The following AKAP12 variants were observed in gnomAD, a reference collection of about 807,000 sequenced individuals.
AKAP12 encodes the protein A-kinase anchoring protein 12.
AKAP12 carries 32 observed loss-of-function variants against 79.9 expected under a neutral mutation model. The observed-to-expected ratio is 0.40, with a 90% CI of 0.30 to 0.54. AKAP12 has a LOEUF of 0.54. Ranked by LOEUF, AKAP12 falls within the 20% of genes least tolerant of loss-of-function variation. The probability of loss-of-function intolerance (pLI) is 0.48; values close to 1 mark genes in which losing one functional copy is unlikely to be tolerated. For synonymous variants in AKAP12, 808 were observed against 857.0 expected (o/e 0.94, Z 1.00); for missense variants, 2,074 against 2,177.0 (o/e 0.95, Z 0.94).
At chr6:151,275,608 A>G (rs1214784290) in intron 2 of AKAP12, among the ~76,000 whole-genome samples, 1 of 152,184 alleles carries the variant, frequency 6.6e-6, no homozygotes, top group Non-Finnish European at 1.5e-5. Context: ...GTCTTTTTTT[A>G]TCAGAATACT....
At chr6:151,281,340 G>A (rs1776403046) in intron 2 of AKAP12, among the ~76,000 whole-genome samples, 1 of 152,186 alleles carries the variant, frequency 6.6e-6, no homozygotes, top group African/African-American at 2.4e-5. Flanking sequence ...ACTTTGACAG[G>A]TGAAGGATGG....
chr6:151,247,729 AAT>A (rs1484136006), intron 2 of AKAP12, among the ~76,000 whole-genome samples: 1 of 152,220 alleles, frequency 6.6e-6, no homozygotes, highest in Non-Finnish European at 1.5e-5. Context: ...TTGGGAAAAC[AAT>A]AGAGTGAAGG....
At chr6:151,341,876 A>G in intron 3 of AKAP12, 1 of 1,086,602 alleles carries the variant, frequency 9.2e-7, no homozygotes, top group Non-Finnish European at 1.2e-6. Context: ...CAGGTCGGGA[A>G]GGGCCTGCGC....
chr6:151,325,767 A>G, intron 3 of AKAP12: 1 of 1,605,980 alleles, frequency 6.2e-7, no homozygotes, highest in African/African-American at 1.3e-5. Context: ...TCCCGCCGAA[A>G]CCACCTGCGG....
intron 2 of AKAP12, among the ~76,000 whole-genome samples, chr6:151,242,383 A>G (rs1331713539): frequency 6.6e-6 from 1 of 152,148 alleles, no homozygotes; most frequent in Non-Finnish European, 1.5e-5. Flanking sequence ...CCTCTTTCCA[A>G]GTTGCCAACC....
rs190556697 is a variant in AKAP12, at chr6:151,262,564, G to A, written c.162+21840G>A. On this transcript the variant is annotated intron_variant, in intron 2 of 4. Coordinates refer to ENST00000402676, the MANE Select transcript of AKAP12 (RefSeq NM_005100.4). ...TATTTTGGGAATTCTGTCTGCATCA[G>A]AAACATGGCTAAATGACTTCAACTT... Among the ~76,000 whole-genome samples, 356 of 152,116 alleles carry A rather than the reference G, an allele frequency of 2.3e-3. 1 individual carries two copies. The highest frequency in any genetic ancestry group is 6.5e-3 in the Admixed American group (99 of 15,268).
At chr6:151,324,759 T>A in intron 3 of AKAP12, 1 of 985,230 alleles carries the variant, frequency 1.0e-6, no homozygotes, top group Non-Finnish European at 1.2e-6. Flanking sequence ...AAAATTGGAG[T>A]ACAAAAAAAG....
chr6:151,317,842 T>TA (rs1240424907), intron 3 of AKAP12, among the ~76,000 whole-genome samples: 1 of 152,240 alleles, frequency 6.6e-6, no homozygotes, highest in African/African-American at 2.4e-5. Flanking sequence ...CATACAGCCT[T>TA]ACACAAAGCA....
At chr6:151,312,811 A>AAAAAAG (rs1777146652) in intron 3 of AKAP12, among the ~76,000 whole-genome samples, 1 of 150,684 alleles carries the variant, frequency 6.6e-6, no homozygotes, top group Non-Finnish European at 1.5e-5. Flanking sequence ...AAAAAAAAAA[A>AAAAAAG]GAATCATGAG....
In AKAP12 at chr6:151,296,815, C is replaced by T. The variant is rs73617422; in HGVS notation, c.163-8932C>T. The stretch of plus-strand genomic sequence containing the variant: ...TGAACTTCTTGGAAAGCATGACTGT[C>T]GGGGAAGGAATGGAGAGACTAAAGA... On this transcript the variant is annotated intron_variant, in intron 2 of 4. Transcript: ENST00000402676. Among the ~76,000 whole-genome samples, 481 of 152,166 alleles carry T rather than the reference C, an allele frequency of 3.2e-3. 5 individuals are homozygous for T. Among genetic ancestry groups the T allele is most frequent in the African/African-American group, 8.3e-3 (345 of 41,500 alleles).
At chr6:151,303,268 A>G (rs1339614224) in intron 2 of AKAP12, among the ~76,000 whole-genome samples, 3 of 152,156 alleles carry the variant, frequency 2.0e-5, no homozygotes, top group Non-Finnish European at 4.4e-5. Flanking sequence ...CCCCTTCTCC[A>G]TTCCCTACCC....
chr6:151,315,531 G>A (rs551221409), intron 3 of AKAP12, among the ~76,000 whole-genome samples: 1 of 152,316 alleles, frequency 6.6e-6, no homozygotes, highest in Non-Finnish European at 1.5e-5. Flanking sequence ...CAAACATTCA[G>A]ACTGTAGTGG....
chr6:151,242,228 C>T (rs1039215503), intron 2 of AKAP12, among the ~76,000 whole-genome samples: 1 of 152,160 alleles, frequency 6.6e-6, no homozygotes, highest in Non-Finnish European at 1.5e-5. Context: ...TTCCCCCCAC[C>T]GCCCCGGCTT....
In AKAP12 at chr6:151,349,853, G is replaced by A; in HGVS notation, c.1462G>A (p.Val488Met). Residue 488 changes from valine to methionine, a missense_variant, in exon 4 of 5, where the codon GTG becomes ATG. Val to Met is a conservative substitution (Grantham distance 21). Transcript: ENST00000402676. ...QGADLSPDEK[V>M]LSKPPEGVVS... The stretch of plus-strand genomic sequence containing the variant: ...AGCTGACCTCAGTCCTGATGAGAAG[G>A]TGCTGTCCAAACCCCCCGAAGGCGT... 6.2e-7 allele frequency: 1 copy of A among 1,614,180 alleles called. No homozygotes were observed. The highest frequency in any genetic ancestry group is 1.1e-5 in the South Asian group (1 of 91,078).
rs1264873135 is a variant in AKAP12, at chr6:151,349,710, G to C, written c.1319G>C (p.Gly440Ala). Residue 440 changes from glycine (G) to alanine (A), a missense_variant, in exon 4 of 5, where the codon GGG becomes GCG. Physicochemically the swap from Gly to Ala is moderately conservative, Grantham distance 60. Around this residue, in one of 3 missense-constraint regions of AKAP12, gnomAD observed 1,428 missense variants for 1,451.0 expected, o/e 0.98. Coordinates refer to ENST00000402676, the MANE Select transcript of AKAP12 (RefSeq NM_005100.4). ...AAAACGGAGGTGGAAGAAACAGCAG[G>C]GTCTGTGCCAGCTGAAGAATTGGTT... ...EQKTEVEETA[G>A]SVPAEELVEM... 1 of 1,613,960 alleles carries C rather than the reference G, an allele frequency of 6.2e-7. No homozygotes were observed. The highest frequency in any genetic ancestry group is 1.7e-5 in the Admixed American group (1 of 59,976).
At chr6:151,318,955 A>C (rs547012349) in intron 3 of AKAP12, among the ~76,000 whole-genome samples, 15 of 151,992 alleles carry the variant, frequency 9.9e-5, no homozygotes, top group Non-Finnish European at 2.2e-4. Context: ...AGAAAAGAAA[A>C]ATTCATGTAC....
At chr6:151,322,699 G>C (rs1777425885) in intron 3 of AKAP12, among the ~76,000 whole-genome samples, 1 of 148,766 alleles carries the variant, frequency 6.7e-6, no homozygotes, top group Non-Finnish European at 1.5e-5. Context: ...TCCCGCCACT[G>C]GGCGTGTCCA....
chr6:151,344,092 G>C, intron 3 of AKAP12: 1 of 223,596 alleles, frequency 4.5e-6, no homozygotes, highest in South Asian at 5.6e-5. Context: ...TCACAAATGT[G>C]TATTTTATAA....
intron 3 of AKAP12, among the ~76,000 whole-genome samples, chr6:151,308,240 T>A (rs1777017740): frequency 6.6e-6 from 1 of 151,958 alleles, no homozygotes; most frequent in South Asian, 2.1e-4. Context: ...TGAGACAGGG[T>A]CTTGCTGTAT....
Sources: allele counts gnomAD v4.1 joint callset (sites outside exome capture counted in the v4.1 genomes callset), GRCh38; gene constraint gnomAD v4.1.1; regional missense constraint gnomAD v4.1.1; transcripts MANE v1.5; gene names NCBI Gene and HGNC (gene_info 2026-07-23, HGNC 2026-07-21).